The following SVEP1 variants were observed in gnomAD, a reference collection of about 807,000 sequenced individuals.
The protein encoded by SVEP1 is sushi, von Willebrand factor type A, EGF and pentraxin domain-containing protein 1.
A neutral mutation model predicts 367.3 loss-of-function variants in SVEP1; 164 were observed. The observed-to-expected ratio is 0.45, with a 90% CI of 0.39 to 0.51. SVEP1 has a LOEUF of 0.51. SVEP1 is among the 20% of genes least tolerant of loss of function. The pLI is 0.00. For missense variants in SVEP1, 4,117 were observed against 4,425.3 expected (o/e 0.93, Z 1.98); for synonymous variants, 1,666 against 1,611.6 (o/e 1.03, Z -0.81).
chr9:110,496,566 G>A (rs1438713555), intron 8 of SVEP1, among the ~76,000 whole-genome samples: 1 of 152,114 alleles, frequency 6.6e-6, no homozygotes, highest in Non-Finnish European at 1.5e-5. Context: ...TGAGGTTTTG[G>A]GACTTGGACT....
At chr9:110,377,756 T>G (rs911881744) in intron 44 of SVEP1, among the ~76,000 whole-genome samples, 2 of 152,190 alleles carry the variant, frequency 1.3e-5, no homozygotes, top group African/African-American at 4.8e-5. Flanking sequence ...TTCAGCAAAT[T>G]TTCAGTATAC....
intron 27 of SVEP1, among the ~76,000 whole-genome samples, chr9:110,442,220 A>T (rs988556451): frequency 9.2e-5 from 14 of 152,192 alleles, no homozygotes; most frequent in African/African-American, 3.4e-4. Flanking sequence ...CACAGCATTT[A>T]GTGTGATTAT....
At position 110,403,548 on chromosome 9, in the gene SVEP1, C is replaced by A. The variant is rs529466310; in HGVS notation, c.9666+779G>T. Among the ~76,000 whole-genome samples the A allele has an allele frequency of 4.4e-4, 67 of 151,892 alleles. 1 individual carries two copies. In the East Asian group the frequency reaches 0.011, roughly 26 times the overall value. On this transcript the variant is annotated intron_variant, in intron 39 of 47. Coordinates refer to ENST00000374469, the MANE Select transcript of SVEP1 (RefSeq NM_153366.4). ...TCAATCTCTTGACCTTGTGATCCAT[C>A]CACCTCGGCCTCCCAAAGTGCTGGG... is the stretch of plus-strand genomic sequence containing the variant.
intron 47 of SVEP1, among the ~76,000 whole-genome samples, chr9:110,369,225 G>A (rs1223182215): frequency 6.6e-6 from 1 of 152,066 alleles, no homozygotes; most frequent in East Asian, 1.9e-4. Flanking sequence ...TTTTCCTGAT[G>A]TTTAAAAAGT....
At chr9:110,390,215 T>TTGTATATATAAGTATG (rs1564127362) in intron 40 of SVEP1, among the ~76,000 whole-genome samples, 5 of 63,060 alleles carry the variant, frequency 7.9e-5, no homozygotes, top group African/African-American at 3.5e-4. Context: ...ATGTATATAC[T>TTGTATATATAAGTATG]TGTATATATA....
intron 43 of SVEP1, among the ~76,000 whole-genome samples, chr9:110,379,914 G>C (rs1011545617): frequency 6.6e-6 from 1 of 152,168 alleles, no homozygotes; most frequent in African/African-American, 2.4e-5. Context: ...ATTAATTGTA[G>C]TACTGCATAT....
rs371792095 is a variant in SVEP1 at position 110,577,935 on chromosome 9, T to C, written c.531+1078A>G. Among the ~76,000 whole-genome samples the C allele has an allele frequency of 1.0e-3, 157 of 152,256 alleles. 2 individuals carry two copies. The South Asian group carries it at 0.022, about 22-fold the overall frequency. The stretch of plus-strand genomic sequence containing the variant: ...ATCACCTCTTAAATTGACAAAGATA[T>C]TAAAAAGAATAGTATGATATTGGTG... On this transcript the variant is annotated intron_variant, in intron 1 of 47. Coordinates refer to ENST00000374469, the MANE Select transcript of SVEP1 (RefSeq NM_153366.4).
chr9:110,508,907 A>C (rs968961549), intron 5 of SVEP1, among the ~76,000 whole-genome samples: 1 of 152,190 alleles, frequency 6.6e-6, no homozygotes, highest in East Asian at 1.9e-4. Flanking sequence ...AAACATTAAC[A>C]ATGTAACATG....
chr9:110,550,342 A>T (rs558482053), intron 1 of SVEP1, among the ~76,000 whole-genome samples: 1 of 152,348 alleles, frequency 6.6e-6, no homozygotes, highest in South Asian at 2.1e-4. Flanking sequence ...AACATTGCTG[A>T]TGGAGCTTGC....
chr9:110,392,161 T>A (rs546280646), intron 40 of SVEP1, among the ~76,000 whole-genome samples: 3 of 107,332 alleles, frequency 2.8e-5, no homozygotes, highest in South Asian at 5.8e-4. Context: ...ATATCTCTTC[T>A]CTCTCTCTCC....
chr9:110,492,399 T>A (rs909252333), intron 8 of SVEP1, among the ~76,000 whole-genome samples: 3 of 152,162 alleles, frequency 2.0e-5, no homozygotes, highest in Non-Finnish European at 2.9e-5. Context: ...AAAGTTAAAC[T>A]GATAATTTAC....
intron 20 of SVEP1, chr9:110,458,265 AT>A: frequency 1.6e-6 from 1 of 619,554 alleles, no homozygotes; most frequent in Non-Finnish European, 2.9e-6. Context: ...AAAAACTCTC[AT>A]TTTTGGTACT....
At chr9:110,524,405 C>G (rs1829915942) in intron 3 of SVEP1, among the ~76,000 whole-genome samples, 1 of 152,020 alleles carries the variant, frequency 6.6e-6, no homozygotes, top group Admixed American at 6.6e-5. Context: ...ACAAAAAAAT[C>G]TTAACAAAAT....
chr9:110,435,637 G>C (rs1156851283), intron 28 of SVEP1, among the ~76,000 whole-genome samples: 1 of 152,066 alleles, frequency 6.6e-6, no homozygotes, highest in East Asian at 1.9e-4. Flanking sequence ...AAAGCCATGT[G>C]GTTTGTTAAG....
rs1829748124 is a variant in SVEP1 at position 110,513,070 on chromosome 9, C to T, written c.1159G>A (p.Gly387Ser). 3.1e-6 allele frequency: 5 copies of T among 1,613,868 alleles called. No individual in the cohort carries two copies. The highest frequency in any genetic ancestry group is 4.2e-6 in the Non-Finnish European group (5 of 1,179,832). The change falls in exon 5 of 48, where the codon GGT (glycine) becomes AGT (serine). Residue 387 changes from glycine to serine, a missense_variant. Gly to Ser is a moderately conservative substitution (Grantham distance 56, BLOSUM62 0). This residue lies in a region of SVEP1 where 2,174 missense variants were observed against 2,494.3 expected (regional missense o/e 0.87). Coordinates refer to ENST00000374469, the MANE Select transcript of SVEP1 (RefSeq NM_153366.4). Reference protein sequence around the residue: ...HCPALKPPENGYFIQNTCNNH... With the variant: ...HCPALKPPENSYFIQNTCNNH... ...TTGCAAGTGTTTTGGATAAAGTAACCATTTTCGGGAGGCTTCAGGGCAGGG... is the reference window on the plus strand; with the variant it reads ...TTGCAAGTGTTTTGGATAAAGTAACTATTTTCGGGAGGCTTCAGGGCAGGG...
At chr9:110,434,189 A>C in intron 30 of SVEP1, 147 bp downstream of exon 30, 8 of 938,028 alleles carry the variant, frequency 8.5e-6, no homozygotes, top group South Asian at 1.8e-5. Flanking sequence ...TGCCCAGCAC[A>C]GTTCATTAAA....
chr9:110,366,611 C>G, intron 47 of SVEP1, 51 bp from the exon 48 acceptor site: 1 of 1,491,866 alleles, frequency 6.7e-7, no homozygotes, highest in Non-Finnish European at 8.9e-7. Flanking sequence ...AAAAATTGAA[C>G]TGAAGAGCTA....
intron 29 of SVEP1, 144 bp downstream of exon 29, chr9:110,435,097 G>A (rs1190897493): frequency 1.2e-6 from 1 of 859,262 alleles, no homozygotes; most frequent in Non-Finnish European, 1.6e-6. Context: ...TGAAAATAGG[G>A]TAAATATGAA....
chr9:110,389,183 A>C (rs2118968187), intron 41 of SVEP1, among the ~76,000 whole-genome samples: 1 of 152,270 alleles, frequency 6.6e-6, no homozygotes, highest in Middle Eastern at 3.4e-3. Context: ...ACTGTCACCA[A>C]AAAACAACAG....
Sources: allele counts gnomAD v4.1 joint callset (sites outside exome capture counted in the v4.1 genomes callset), GRCh38; gene constraint gnomAD v4.1.1; regional missense constraint gnomAD v4.1.1; transcripts MANE v1.5; gene names NCBI Gene and HGNC (gene_info 2026-07-23, HGNC 2026-07-21).